Variants in HS3ST5 observed in about 807,000 individuals in gnomAD.
The protein encoded by HS3ST5 is heparan sulfate glucosamine 3-O-sulfotransferase 5.
In HS3ST5, 10 loss-of-function variants were observed where a neutral mutation model predicts 25.4. The ratio of observed to expected loss-of-function variants is 0.39; its 90% CI spans 0.24 to 0.67. The LOEUF is 0.67. Ranked by LOEUF, HS3ST5 falls within the 30% of genes least tolerant of loss-of-function variation. The pLI is 0.44. For missense variants in HS3ST5, 324 were observed against 420.7 expected, an observed-to-expected ratio of 0.77 and a Z score of 2.01; for synonymous variants, 170 against 162.4, an observed-to-expected ratio of 1.05 and a Z score of -0.36.
intron 3 of HS3ST5, among the ~76,000 whole-genome samples, chr6:114,071,077 C>T (rs1425741807): frequency 2.0e-5 from 3 of 152,214 alleles, no homozygotes; most frequent in Non-Finnish European, 4.4e-5. Context: ...CATACCCTAC[C>T]CAAGGCCTAC....
intron 1 of HS3ST5, chr6:114,239,062 G>A (rs556898238): frequency 6.6e-6 from 1 of 152,276 alleles, no homozygotes; most frequent in East Asian, 1.9e-4. Context: ...AATGCTGAAG[G>A]TAATCAGAGA....
At chr6:114,075,288 G>A (rs1480500747) in intron 3 of HS3ST5, among the ~76,000 whole-genome samples, 1 of 152,168 alleles carries the variant, frequency 6.6e-6, no homozygotes. Context: ...AGGAAGAATC[G>A]CTACAAAGGC....
intron 3 of HS3ST5, among the ~76,000 whole-genome samples, chr6:114,159,692 C>T (rs747726108): frequency 3.9e-4 from 59 of 152,086 alleles, no homozygotes; most frequent in Non-Finnish European, 7.2e-4. Flanking sequence ...ATACATTTTT[C>T]TGTGTGTATG....
intron 1 of HS3ST5, among the ~76,000 whole-genome samples, chr6:114,298,658 G>A (rs564475305): frequency 6.6e-6 from 1 of 152,356 alleles, no homozygotes; most frequent in East Asian, 1.9e-4. Context: ...CGAATGGGGG[G>A]ACCGGCTGAA....
chr6:114,099,291 C>T (rs1436584309), intron 3 of HS3ST5, among the ~76,000 whole-genome samples: 2 of 152,130 alleles, frequency 1.3e-5, no homozygotes, highest in Admixed American at 1.3e-4. Flanking sequence ...TTGAAAAGTT[C>T]CATCTACTTA....
intron 3 of HS3ST5, among the ~76,000 whole-genome samples, chr6:114,161,778 TTCTC>T (rs1778986467): frequency 7.8e-6 from 1 of 127,442 alleles, no homozygotes. Flanking sequence ...TAAAATCACT[TTCTC>T]TATGGCTGCA....
intron 4 of HS3ST5, among the ~76,000 whole-genome samples, chr6:114,061,908 A>C (rs1322274646): frequency 6.6e-6 from 1 of 152,180 alleles, no homozygotes; most frequent in Non-Finnish European, 1.5e-5. Flanking sequence ...AGATTACGCC[A>C]TTGCACTCTA....
At chr6:114,079,754 T>G (rs1350066579) in intron 3 of HS3ST5, among the ~76,000 whole-genome samples, 3 of 152,206 alleles carry the variant, frequency 2.0e-5, no homozygotes, top group African/African-American at 7.2e-5. Context: ...TATAGCCTTA[T>G]GAAATATATT....
intron 1 of HS3ST5, among the ~76,000 whole-genome samples, chr6:114,273,257 C>T (rs1335439705): frequency 6.6e-6 from 1 of 151,954 alleles, no homozygotes; most frequent in Non-Finnish European, 1.5e-5. Flanking sequence ...GAGAGAAAAA[C>T]CCTTTTGTCC....
At chr6:114,284,772 A>G (rs1354302060) in intron 1 of HS3ST5, among the ~76,000 whole-genome samples, 1 of 152,000 alleles carries the variant, frequency 6.6e-6, no homozygotes, top group Non-Finnish European at 1.5e-5. Context: ...ACACACATGC[A>G]CACCACACAC....
chr6:114,144,668 C>T (rs1485285352), intron 3 of HS3ST5, among the ~76,000 whole-genome samples: 1 of 152,156 alleles, frequency 6.6e-6, no homozygotes, highest in African/African-American at 2.4e-5. Context: ...ATTTTAACCC[C>T]TGCTGGACAG....
At chr6:114,186,535 G>A (rs1452627979) in intron 2 of HS3ST5, among the ~76,000 whole-genome samples, 1 of 152,142 alleles carries the variant, frequency 6.6e-6, no homozygotes, top group Non-Finnish European at 1.5e-5. Context: ...CAGGAGAGGA[G>A]TTTAAAGCTA....
At chr6:114,270,666 T>C (rs1445838437) in intron 1 of HS3ST5, among the ~76,000 whole-genome samples, 3 of 152,154 alleles carry the variant, frequency 2.0e-5, no homozygotes. Flanking sequence ...TTAGCCTCTC[T>C]AGGACTTACT....
intron 3 of HS3ST5, among the ~76,000 whole-genome samples, chr6:114,137,229 C>T (rs967991592): frequency 6.6e-6 from 1 of 152,166 alleles, no homozygotes; most frequent in South Asian, 2.1e-4. Flanking sequence ...CTTCTCCCCC[C>T]CGCAAACCAT....
intron 2 of HS3ST5, among the ~76,000 whole-genome samples, chr6:114,228,376 G>A (rs17193496): frequency 0.089 from 13,531 of 152,088 alleles, 780 homozygotes; most frequent in Non-Finnish European, 0.13. Flanking sequence ...TGCCCTTCTT[G>A]TATTTACATT....
intron 1 of HS3ST5, among the ~76,000 whole-genome samples, chr6:114,308,656 A>G (rs1263425120): frequency 1.3e-5 from 2 of 152,168 alleles, no homozygotes; most frequent in Non-Finnish European, 2.9e-5. Context: ...ACAAGAAAGA[A>G]TAGCTCTTTC....
intron 2 of HS3ST5, among the ~76,000 whole-genome samples, chr6:114,197,938 C>T (rs1473349860): frequency 6.6e-6 from 1 of 151,998 alleles, no homozygotes; most frequent in Non-Finnish European, 1.5e-5. Flanking sequence ...TGGATCCTAA[C>T]CAGATTGAAA....
intron 1 of HS3ST5, among the ~76,000 whole-genome samples, chr6:114,288,027 A>T (rs945783716): frequency 6.6e-6 from 1 of 152,088 alleles, no homozygotes; most frequent in Admixed American, 6.6e-5. Flanking sequence ...ATATACGCTA[A>T]AAGTGTAAAG....
chr6:114,323,733 C>T (rs1403811132), intron 1 of HS3ST5, among the ~76,000 whole-genome samples: 1 of 152,162 alleles, frequency 6.6e-6, no homozygotes, highest in African/African-American at 2.4e-5. Context: ...TTAGTTTATA[C>T]TTTCCCACTC....
Sources: gnomAD v4.1 joint callset for allele counts (sites outside exome capture counted in the v4.1 genomes callset) on GRCh38, gnomAD v4.1.1 for gene constraint, MANE v1.5 for transcripts, NCBI Gene and HGNC (gene_info 2026-07-23, HGNC 2026-07-21) for gene names.